SLC10A7: variants seen among roughly 807,000 people sequenced by gnomAD.
SLC10A7 encodes sodium/bile acid cotransporter 7.
Under a neutral mutation model 43.2 loss-of-function variants are expected in SLC10A7, and 29 were observed. The observed-to-expected ratio is 0.67, with a 90% CI of 0.50 to 0.92. The LOEUF (loss-of-function observed/expected upper bound fraction) is 0.92, where lower values mean the gene tolerates loss of function less well. Ranked by LOEUF, SLC10A7 falls within the 40% of genes least tolerant of loss-of-function variation. SLC10A7 has a pLI of 0.00. For missense variants in SLC10A7, 295 were observed against 403.2 expected (o/e 0.73, Z 2.30); for synonymous variants, 152 against 144.8 (o/e 1.05, Z -0.35).
chr4:146,329,717 G>A (rs1733402806), intron 5 of SLC10A7, among the ~76,000 whole-genome samples: 1 of 152,180 alleles, frequency 6.6e-6, no homozygotes. Flanking sequence ...AAGCCTTCAT[G>A]TCATATGGCA....
intron 5 of SLC10A7, among the ~76,000 whole-genome samples, chr4:146,395,006 G>A (rs921347661): frequency 2.0e-5 from 3 of 151,962 alleles, no homozygotes; most frequent in Non-Finnish European, 2.9e-5. Context: ...GATATTCTCC[G>A]TTTTCTCCTC....
At chr4:146,469,670 C>G (rs970086272) in intron 4 of SLC10A7, among the ~76,000 whole-genome samples, 1 of 152,056 alleles carries the variant, frequency 6.6e-6, no homozygotes, top group African/African-American at 2.4e-5. Context: ...CCTCTGTCAC[C>G]CAGGCTTGAG....
chr4:146,466,761 G>A (rs1189440892), intron 4 of SLC10A7, among the ~76,000 whole-genome samples: 1 of 152,070 alleles, frequency 6.6e-6, no homozygotes, highest in Non-Finnish European at 1.5e-5. Flanking sequence ...CAAAAGATAA[G>A]GCTCAGAGTA....
chr4:146,420,903 T>C (rs1229822303), intron 5 of SLC10A7, among the ~76,000 whole-genome samples: 1 of 152,046 alleles, frequency 6.6e-6, no homozygotes, highest in Non-Finnish European at 1.5e-5. Context: ...ATTGCAGACC[T>C]GTAGTCCCAG....
chr4:146,336,630 G>C (rs1342182416), intron 5 of SLC10A7, among the ~76,000 whole-genome samples: 3 of 152,010 alleles, frequency 2.0e-5, no homozygotes, highest in African/African-American at 7.2e-5. Flanking sequence ...TGGGCCAGCA[G>C]ATAGTCCGCC....
chr4:146,464,661 T>G (rs887561309), intron 4 of SLC10A7, among the ~76,000 whole-genome samples: 2 of 151,698 alleles, frequency 1.3e-5, no homozygotes, highest in Non-Finnish European at 2.9e-5. Flanking sequence ...AAAAAAGTCA[T>G]GCCATTAAGA....
chr4:146,425,396 A>G (rs749271058), intron 5 of SLC10A7, among the ~76,000 whole-genome samples: 2 of 152,228 alleles, frequency 1.3e-5, no homozygotes, highest in Admixed American at 6.5e-5. Flanking sequence ...GCACTGTCCA[A>G]TGCAGGAGCC....
At chr4:146,341,407 G>T (rs1020085224) in intron 5 of SLC10A7, among the ~76,000 whole-genome samples, 2 of 151,682 alleles carry the variant, frequency 1.3e-5, no homozygotes, top group African/African-American at 4.8e-5. Context: ...ACAAACATTT[G>T]AAAGTATAAT....
chr4:146,370,001 C>T (rs1451626034), intron 5 of SLC10A7, among the ~76,000 whole-genome samples: 2 of 152,010 alleles, frequency 1.3e-5, no homozygotes, highest in East Asian at 1.9e-4. Flanking sequence ...TTTCTTTATG[C>T]ATTCAATAAA....
intron 3 of SLC10A7, among the ~76,000 whole-genome samples, chr4:146,508,473 C>T (rs909823375): frequency 1.3e-5 from 2 of 152,232 alleles, no homozygotes; most frequent in Non-Finnish European, 1.5e-5. Flanking sequence ...TATGTTCATT[C>T]TCTGAAACTA....
At chr4:146,263,184 C>G (rs1318151473) in intron 10 of SLC10A7, among the ~76,000 whole-genome samples, 1 of 152,216 alleles carries the variant, frequency 6.6e-6, no homozygotes, top group Non-Finnish European at 1.5e-5. Context: ...GTTGCCTCCT[C>G]TGGGAAGCCA....
At chr4:146,468,954 G>A (rs1183607684) in intron 4 of SLC10A7, among the ~76,000 whole-genome samples, 1 of 152,026 alleles carries the variant, frequency 6.6e-6, no homozygotes, top group Non-Finnish European at 1.5e-5. Flanking sequence ...AGTCCTCGGG[G>A]AAAACCAAAC....
In SLC10A7 at chr4:146,254,069, T is replaced by G. The variant is rs1727778659; in HGVS notation, c.*2422A>C. The stretch of plus-strand genomic sequence containing the variant: ...ATAATCCACTTTATGACTTAACCAA[T>G]CCTTTTGAAAAAATTTGGTATTTAG... On this transcript the variant is annotated 3_prime_UTR_variant, in exon 12 of 12. Coordinates refer to ENST00000335472, the MANE Select transcript of SLC10A7 (RefSeq NM_001029998.6). 1 of 152,168 alleles carries G rather than the reference T, an allele frequency of 6.6e-6. No homozygotes were observed. Among genetic ancestry groups the G allele is most frequent in the South Asian group, 2.1e-4 (1 of 4,828 alleles). 9.4% of individuals were successfully genotyped at this position (152,168 alleles called of 1,614,324 possible). A position where few individuals can be genotyped will look rare whatever the true frequency, so the allele number is the denominator to read the frequency against.
chr4:146,334,686 G>A (rs1485953), intron 5 of SLC10A7, among the ~76,000 whole-genome samples: 73,166 of 151,854 alleles, frequency 0.48, 17,983 homozygotes, highest in East Asian at 0.62. Flanking sequence ...AGCAGGGAAG[G>A]AGCCCTAGCA....
intron 6 of SLC10A7, among the ~76,000 whole-genome samples, chr4:146,319,855 T>G (rs990242931): frequency 2.6e-5 from 4 of 152,016 alleles, no homozygotes; most frequent in Non-Finnish European, 4.4e-5. Flanking sequence ...ATGAATCATA[T>G]CATTAAGTAG....
At chr4:146,333,485 G>A (rs1733673916) in intron 5 of SLC10A7, among the ~76,000 whole-genome samples, 1 of 152,068 alleles carries the variant, frequency 6.6e-6, no homozygotes, top group Non-Finnish European at 1.5e-5. Flanking sequence ...GGAGGTGAAA[G>A]CAATTAAGAT....
At chr4:146,289,041 G>A (rs1375717751) in intron 9 of SLC10A7, among the ~76,000 whole-genome samples, 1 of 152,146 alleles carries the variant, frequency 6.6e-6, no homozygotes, top group East Asian at 1.9e-4. Context: ...TTCTGTCTAA[G>A]CCCACTATTT....
chr4:146,268,335 G>A (rs1728690442), intron 10 of SLC10A7, among the ~76,000 whole-genome samples: 1 of 152,066 alleles, frequency 6.6e-6, no homozygotes, highest in South Asian at 2.1e-4. Context: ...AGAGGAATCA[G>A]GCCTGGAAAA....
chr4:146,293,115 C>A, intron 8 of SLC10A7, 135 bp from the exon 9 acceptor site: 2 of 549,048 alleles, frequency 3.6e-6, no homozygotes, highest in Non-Finnish European at 6.3e-6. Context: ...AACAAGCATG[C>A]CTTGCTAAAT....
Sources: gnomAD v4.1 joint callset for allele counts (sites outside exome capture counted in the v4.1 genomes callset) on GRCh38, gnomAD v4.1.1 for gene constraint, MANE v1.5 for transcripts, NCBI Gene and HGNC (gene_info 2026-07-23, HGNC 2026-07-21) for gene names.